Variants in AMPH observed in about 807,000 individuals in gnomAD.
AMPH encodes the protein amphiphysin.
AMPH carries 49 observed loss-of-function variants against 99.1 expected under a neutral mutation model. The observed-to-expected ratio is 0.49, with a 90% CI of 0.39 to 0.63. AMPH has a LOEUF of 0.63. Among genes scored for constraint, AMPH ranks in the 20% least tolerant of loss-of-function variants. The pLI is 0.00. For synonymous variants in AMPH, 314 were observed against 317.3 expected (o/e 0.99, Z 0.11); for missense variants, 759 against 863.4 (o/e 0.88, Z 1.52).
chr7:38,602,996 G>A (rs1000113762), intron 1 of AMPH, among the ~76,000 whole-genome samples: 3 of 152,166 alleles, frequency 2.0e-5, no homozygotes, highest in South Asian at 2.1e-4. Context: ...GTTGTAAAGA[G>A]CACAACTGAC....
chr7:38,501,393 C>A lies in AMPH; in HGVS notation c.205+2257G>T, dbSNP rs138333554. 2.2e-3 allele frequency among the ~76,000 whole-genome samples: 331 copies of A among 152,226 alleles called. 2 individuals are homozygous for A. The highest frequency in any genetic ancestry group is 7.4e-3 in the African/African-American group (306 of 41,524). ...TTCAGTAGGGTTTTGCCATGTTGCCCAGGCTCATCTTGAACTCCTGGCCTA... is the reference window on the plus strand; with the variant it reads ...TTCAGTAGGGTTTTGCCATGTTGCCAAGGCTCATCTTGAACTCCTGGCCTA... On this transcript the variant is annotated intron_variant, in intron 3 of 20. Transcript: ENST00000356264.
rs1791158047 is a variant in AMPH, at chr7:38,550,898, C to T, written c.70-15887G>A. On this transcript the variant is annotated intron_variant, in intron 1 of 20. Transcript: ENST00000356264. Reference sequence around the variant, plus strand: ...GAAGTGGAATCATTCTGATTAGTCACATTTTTCACATTTTTGTCGTAAAAA... The same window carrying T: ...GAAGTGGAATCATTCTGATTAGTCATATTTTTCACATTTTTGTCGTAAAAA... Among the ~76,000 whole-genome samples the T allele has an allele frequency of 1.3e-5, 2 of 152,166 alleles. 1 individual carries two copies. The highest frequency in any genetic ancestry group is 3.9e-4 in the East Asian group (2 of 5,190).
chr7:38,399,396 A>G (rs1784779590), intron 17 of AMPH, among the ~76,000 whole-genome samples: 1 of 152,218 alleles, frequency 6.6e-6, no homozygotes, highest in Admixed American at 6.5e-5. Flanking sequence ...TGCTCTTACC[A>G]AAATACTTCC....
rs530325941 is a variant in AMPH at position 38,520,223 on chromosome 7, C to A, written c.150+14708G>T. Among the ~76,000 whole-genome samples the A allele has an allele frequency of 4.6e-5, 7 of 152,242 alleles. No homozygotes were observed. In the South Asian group the frequency reaches 1.4e-3, roughly 32 times the overall value. On this transcript the variant is annotated intron_variant, in intron 2 of 20. Coordinates refer to ENST00000356264, the MANE Select transcript of AMPH (RefSeq NM_001635.4). Reference sequence around the variant, plus strand: ...ATCAACTTATCAAAAAAAATGTATTCATCTGGGAAACAAACCATCTACATT... The same window carrying A: ...ATCAACTTATCAAAAAAAATGTATTAATCTGGGAAACAAACCATCTACATT...
intron 2 of AMPH, among the ~76,000 whole-genome samples, chr7:38,530,342 G>A (rs1790349453): frequency 6.6e-6 from 1 of 152,086 alleles, no homozygotes; most frequent in Non-Finnish European, 1.5e-5. Context: ...AGGGTCCCAG[G>A]GTCTCTTCTC....
chr7:38,535,189 A>C (rs1169788787), intron 1 of AMPH, among the ~76,000 whole-genome samples, 178 bp from the exon 2 acceptor site: 2 of 151,834 alleles, frequency 1.3e-5, no homozygotes, highest in East Asian at 3.9e-4. Flanking sequence ...AGTTGAACAA[A>C]AAAAAAAAAC....
At chr7:38,566,130 T>C (rs1041657257) in intron 1 of AMPH, among the ~76,000 whole-genome samples, 1 of 152,196 alleles carries the variant, frequency 6.6e-6, no homozygotes, top group East Asian at 1.9e-4. Context: ...CTGTTTGCTT[T>C]TGTAGTATTT....
intron 1 of AMPH, among the ~76,000 whole-genome samples, chr7:38,538,810 G>A (rs1447163114): frequency 6.6e-6 from 1 of 152,196 alleles, no homozygotes; most frequent in African/African-American, 2.4e-5. Flanking sequence ...GGGGGAGACT[G>A]AGTAGGCATT....
At chr7:38,534,639 G>A (rs1425232961) in intron 2 of AMPH, among the ~76,000 whole-genome samples, 1 of 152,144 alleles carries the variant, frequency 6.6e-6, no homozygotes, top group Non-Finnish European at 1.5e-5. Flanking sequence ...TTGTGTCACT[G>A]CACGCCAACC....
At chr7:38,531,112 T>A (rs1362667403) in intron 2 of AMPH, 2 of 152,144 alleles carry the variant, frequency 1.3e-5, no homozygotes, top group African/African-American at 4.8e-5. Flanking sequence ...CCAGCACTGA[T>A]CAGCATAGGA....
chr7:38,574,466 C>A lies in AMPH; in HGVS notation c.70-39455G>T, dbSNP rs201575356. On this transcript the variant is annotated intron_variant, in intron 1 of 20. Coordinates refer to ENST00000356264, the MANE Select transcript of AMPH (RefSeq NM_001635.4). ...TTAGAATTTCAGCCAAACTATTGCTCCCTCATTAGGATTTCCTCTAATTAC... is the reference window on the plus strand; with the variant it reads ...TTAGAATTTCAGCCAAACTATTGCTACCTCATTAGGATTTCCTCTAATTAC... 5.3e-5 allele frequency among the ~76,000 whole-genome samples: 8 copies of A among 152,314 alleles called. No homozygotes were observed. The East Asian group carries it at 1.5e-3, about 29-fold the overall frequency.
At chr7:38,564,817 A>G (rs1199474465) in intron 1 of AMPH, among the ~76,000 whole-genome samples, 1 of 152,186 alleles carries the variant, frequency 6.6e-6, no homozygotes, top group Non-Finnish European at 1.5e-5. Flanking sequence ...TTATCTATAA[A>G]TGCATACCAT....
At chr7:38,546,985 T>C (rs1202543167) in intron 1 of AMPH, among the ~76,000 whole-genome samples, 1 of 152,112 alleles carries the variant, frequency 6.6e-6, no homozygotes, top group Non-Finnish European at 1.5e-5. Flanking sequence ...ATGGTAAGCA[T>C]CAGCAAGAGA....
chr7:38,445,078 T>C (rs1024605576), intron 11 of AMPH, among the ~76,000 whole-genome samples: 2 of 149,366 alleles, frequency 1.3e-5, no homozygotes, highest in African/African-American at 4.9e-5. Flanking sequence ...TATATACACA[T>C]ATATACATGG....
chr7:38,466,242 A>G lies in AMPH; in HGVS notation c.597T>C (p.Val199=), dbSNP rs1023929221. Residue 199 remains valine, a synonymous_variant, in exon 8 of 21, where the codon GTT becomes GTC. Coordinates refer to ENST00000356264, the MANE Select transcript of AMPH (RefSeq NM_001635.4). ...EELPSLWSRR[V]GFYVNTFKNV... ...TTTTGAAAGTATTAACATAAAATCCAACTCGTCTGCCATGTGGAAACACAA... is the reference window on the plus strand; with the variant it reads ...TTTTGAAAGTATTAACATAAAATCCGACTCGTCTGCCATGTGGAAACACAA... The G allele has an allele frequency of 6.3e-7, 1 of 1,591,068 alleles. No homozygotes were observed. The highest frequency in any genetic ancestry group is 1.9e-5 in the Admixed American group (1 of 53,266).
intron 11 of AMPH, among the ~76,000 whole-genome samples, chr7:38,445,081 A>G (rs1368923137): frequency 6.7e-6 from 1 of 149,756 alleles, no homozygotes; most frequent in African/African-American, 2.5e-5. Flanking sequence ...ATACACATAT[A>G]TACATGGTAT....
In AMPH at chr7:38,394,150, G is replaced by A. The variant is rs1784597914; in HGVS notation, c.1463C>T (p.Pro488Leu). ...CTTCTCCGCCTCTGCTTCCTCTCCT[G>A]GGGCCCCCTCAGCTGCTGACACCAA... ...GTLVSAAEGAPGEEAEAEKAT... is the reference protein window; with the variant it reads ...GTLVSAAEGALGEEAEAEKAT... The change falls in exon 18 of 21, where the codon CCA becomes CTA. Residue 488 changes from proline (P) to leucine (L), a missense_variant. By Grantham distance (98) the Pro-to-Leu change is moderately conservative (BLOSUM62 -3). Transcript: ENST00000356264. 1.9e-6 allele frequency: 3 copies of A among 1,614,096 alleles called. No homozygotes were observed. Among genetic ancestry groups the A allele is most frequent in the Non-Finnish European group, 2.5e-6 (3 of 1,180,012 alleles).
chr7:38,445,885 T>A (rs1786760221), intron 11 of AMPH, among the ~76,000 whole-genome samples: 1 of 152,112 alleles, frequency 6.6e-6, no homozygotes, highest in African/African-American at 2.4e-5. Flanking sequence ...CCCTTGGTAC[T>A]GTATAGTGAG....
chr7:38,577,783 G>A (rs1438046229), intron 1 of AMPH, among the ~76,000 whole-genome samples: 1 of 150,182 alleles, frequency 6.7e-6, no homozygotes, highest in African/African-American at 2.5e-5. Flanking sequence ...AGAAAGAGAA[G>A]GAGGAAGGGA....
Sources: allele counts gnomAD v4.1 joint callset (sites outside exome capture counted in the v4.1 genomes callset), GRCh38; gene constraint gnomAD v4.1.1; transcripts MANE v1.5; gene names NCBI Gene and HGNC (gene_info 2026-07-23, HGNC 2026-07-21).